WWOX: variants seen among roughly 807,000 people sequenced by gnomAD.
WWOX encodes WW domain-containing oxidoreductase.
In WWOX, 69 loss-of-function variants were observed where a neutral mutation model predicts 46.2. That is an observed-to-expected ratio of 1.49 (90% CI 1.23 to 1.82). WWOX has a LOEUF of 1.82. WWOX is among the 40% of genes most tolerant of loss of function. The probability of loss-of-function intolerance (pLI) is 0.00; values close to 1 mark genes in which losing one functional copy is unlikely to be tolerated. For synonymous variants in WWOX, 359 were observed against 202.6 expected (o/e 1.77, Z -6.56); for missense variants, 919 against 542.6 (o/e 1.69, Z -6.89).
At chr16:78,885,215 G>A (rs1371413212) in intron 8 of WWOX, among the ~76,000 whole-genome samples, 1 of 142,196 alleles carries the variant, frequency 7.0e-6, no homozygotes, top group African/African-American at 2.6e-5. Context: ...TTTTTAATAG[G>A]TCTTGTCATT....
At chr16:78,992,050 T>C (rs11645918) in intron 8 of WWOX, among the ~76,000 whole-genome samples, 149,506 of 152,310 alleles carry the variant, frequency 0.98, 73,458 homozygotes, top group South Asian at 1. Context: ...TCCTTTCACA[T>C]GCATGCATTA....
chr16:78,881,357 G>A (rs868583520), intron 8 of WWOX, among the ~76,000 whole-genome samples: 2 of 152,172 alleles, frequency 1.3e-5, no homozygotes, highest in Admixed American at 1.3e-4. Flanking sequence ...TCTGAAAAAT[G>A]TTAGTCTAAT....
chr16:78,197,119 C>T (rs1352661893), intron 5 of WWOX, among the ~76,000 whole-genome samples: 1 of 152,146 alleles, frequency 6.6e-6, no homozygotes, highest in East Asian at 1.9e-4. Context: ...TTCCTTATTC[C>T]TTGGTACCTC....
intron 8 of WWOX, among the ~76,000 whole-genome samples, chr16:78,968,303 C>G (rs2046403880): frequency 6.6e-6 from 1 of 152,186 alleles, no homozygotes; most frequent in South Asian, 2.1e-4. Context: ...CCGTAGGAAT[C>G]CAACAGGGAA....
At chr16:78,773,867 G>C (rs1436320980) in intron 8 of WWOX, among the ~76,000 whole-genome samples, 2 of 152,300 alleles carry the variant, frequency 1.3e-5, no homozygotes, top group East Asian at 3.9e-4. Flanking sequence ...TTTAACTTCT[G>C]TTGGCATCAT....
intron 8 of WWOX, among the ~76,000 whole-genome samples, chr16:78,520,736 G>A (rs60557070): frequency 0.25 from 37,472 of 151,806 alleles, 5,789 homozygotes; most frequent in African/African-American, 0.42. Flanking sequence ...CCTGTACCAC[G>A]GCCAATGATT....
At position 78,635,992 on chromosome 16, in the gene WWOX, G is replaced by T. The variant is rs562772172; in HGVS notation, c.1056+203240G>T. 6.6e-5 allele frequency among the ~76,000 whole-genome samples: 10 copies of T among 152,218 alleles called. No homozygotes were observed. The South Asian group carries it at 2.1e-3, about 32-fold the overall frequency. On this transcript the variant is annotated intron_variant, in intron 8 of 8. Coordinates refer to ENST00000566780, the MANE Select transcript of WWOX (RefSeq NM_016373.4). The stretch of plus-strand genomic sequence containing the variant: ...CTAATTGCACGGTTAATACAATTCC[G>T]TAACTCATCCTGCCAACACGAAGGT...
chr16:78,147,621 G>A (rs1471570674), intron 4 of WWOX, among the ~76,000 whole-genome samples: 1 of 146,136 alleles, frequency 6.8e-6, no homozygotes, highest in South Asian at 2.2e-4. Flanking sequence ...ACCACTTTTC[G>A]CTTTTTTAAT....
intron 8 of WWOX, among the ~76,000 whole-genome samples, chr16:79,070,770 G>T (rs2048535302): frequency 6.6e-6 from 1 of 152,180 alleles, no homozygotes; most frequent in Admixed American, 6.5e-5. Flanking sequence ...TTTAACATTT[G>T]ATTTGTTTCT....
chr16:78,985,549 A>C (rs1254902858), intron 8 of WWOX, among the ~76,000 whole-genome samples: 1 of 152,226 alleles, frequency 6.6e-6, no homozygotes, highest in Non-Finnish European at 1.5e-5. Flanking sequence ...TGGGAGGATC[A>C]CTTGAAGTCA....
At chr16:78,639,858 G>A (rs1047751257) in intron 8 of WWOX, among the ~76,000 whole-genome samples, 1 of 152,160 alleles carries the variant, frequency 6.6e-6, no homozygotes, top group East Asian at 1.9e-4. Flanking sequence ...GAGCCACCAT[G>A]CTAGGCCCAG....
intron 8 of WWOX, among the ~76,000 whole-genome samples, chr16:79,112,415 A>G (rs1284068248): frequency 6.6e-6 from 1 of 152,160 alleles, no homozygotes; most frequent in African/African-American, 2.4e-5. Flanking sequence ...CTGGACCAAG[A>G]ACTGTTGCCA....
chr16:78,443,019 C>T (rs1406127171), intron 8 of WWOX, among the ~76,000 whole-genome samples: 1 of 151,672 alleles, frequency 6.6e-6, no homozygotes, highest in Non-Finnish European at 1.5e-5. Flanking sequence ...GCCTGTAGTC[C>T]CAGCTACTCA....
intron 8 of WWOX, among the ~76,000 whole-genome samples, chr16:78,819,351 G>A (rs1270703757): frequency 1.3e-5 from 2 of 152,128 alleles, no homozygotes; most frequent in African/African-American, 4.8e-5. Flanking sequence ...TAGGGTGGGT[G>A]CACCTTTCCA....
chr16:78,827,986 T>C (rs1183088052), intron 8 of WWOX, among the ~76,000 whole-genome samples: 1 of 152,094 alleles, frequency 6.6e-6, no homozygotes, highest in Admixed American at 6.5e-5. Flanking sequence ...GCTGTTGAAA[T>C]TGTCAGGTTA....
intron 8 of WWOX, among the ~76,000 whole-genome samples, chr16:79,072,981 T>A (rs1318202750): frequency 2.0e-5 from 3 of 152,156 alleles, no homozygotes; most frequent in Non-Finnish European, 4.4e-5. Context: ...TCACTGTTTT[T>A]AGTTGAAATG....
intron 8 of WWOX, among the ~76,000 whole-genome samples, chr16:78,925,281 G>C (rs908377771): frequency 6.6e-6 from 1 of 152,220 alleles, no homozygotes; most frequent in Non-Finnish European, 1.5e-5. Context: ...CCACTGGGTG[G>C]CAGCATACTG....
At chr16:78,810,665 G>A (rs1448809464) in intron 8 of WWOX, among the ~76,000 whole-genome samples, 4 of 152,184 alleles carry the variant, frequency 2.6e-5, no homozygotes, top group Non-Finnish European at 5.9e-5. Context: ...TAATTGTTAA[G>A]CCTGCCTAAT....
At chr16:78,244,181 G>C (rs1377481522) in intron 5 of WWOX, among the ~76,000 whole-genome samples, 1 of 152,192 alleles carries the variant, frequency 6.6e-6, no homozygotes, top group East Asian at 1.9e-4. Flanking sequence ...GGGTGATAAG[G>C]AGATGATAAT....
Sources: allele counts gnomAD v4.1 joint callset (sites outside exome capture counted in the v4.1 genomes callset), GRCh38; gene constraint gnomAD v4.1.1; transcripts MANE v1.5; gene names NCBI Gene and HGNC (gene_info 2026-07-23, HGNC 2026-07-21).